PTPN4: variants seen among roughly 807,000 people sequenced by gnomAD.
The protein encoded by PTPN4 is protein tyrosine phosphatase non-receptor type 4, also known as tyrosine-protein phosphatase non-receptor type 4.
PTPN4 carries 49 observed loss-of-function variants against 135.5 expected under a neutral mutation model. That is an observed-to-expected ratio of 0.36 (90% CI 0.29 to 0.46). The LOEUF (loss-of-function observed/expected upper bound fraction) is 0.46, where lower values mean the gene tolerates loss of function less well. PTPN4 is among the 20% of genes least tolerant of loss of function. PTPN4 has a pLI of 1.00. For synonymous variants in PTPN4, 333 were observed against 369.9 expected (o/e 0.90, Z 1.14); for missense variants, 860 against 1,101.0 (o/e 0.78, Z 3.10).
intron 1 of PTPN4, among the ~76,000 whole-genome samples, chr2:119,793,338 C>T (rs369628772): frequency 3.3e-5 from 5 of 152,170 alleles, no homozygotes; most frequent in African/African-American, 9.7e-5. Flanking sequence ...CTGTCCTGCC[C>T]GGCTCCCAGG....
intron 1 of PTPN4, among the ~76,000 whole-genome samples, chr2:119,775,221 C>T (rs1031691709): frequency 6.6e-5 from 10 of 151,668 alleles, no homozygotes; most frequent in East Asian, 1.9e-4. Context: ...AAATGCAGTC[C>T]GGTTTATGAT....
intron 3 of PTPN4, among the ~76,000 whole-genome samples, chr2:119,871,576 G>A (rs571786385): frequency 5.3e-5 from 8 of 152,120 alleles, no homozygotes; most frequent in Non-Finnish European, 1.2e-4. Context: ...TTGTATGCAG[G>A]TGTACCACAG....
At chr2:119,787,509 A>G (rs1691067029) in intron 1 of PTPN4, among the ~76,000 whole-genome samples, 1 of 152,356 alleles carries the variant, frequency 6.6e-6, no homozygotes, top group Admixed American at 6.5e-5. Flanking sequence ...TAATACTTCA[A>G]AGATTCCAAA....
chr2:119,861,119 G>A (rs1013069602), intron 2 of PTPN4, among the ~76,000 whole-genome samples: 5 of 152,088 alleles, frequency 3.3e-5, no homozygotes, highest in South Asian at 4.2e-4. Flanking sequence ...TGTTCTGAGG[G>A]TTGCGTGCTG....
chr2:119,785,104 G>A lies in PTPN4; in HGVS notation c.-18+24720G>A, dbSNP rs1316362225. 5.9e-5 allele frequency among the ~76,000 whole-genome samples: 9 copies of A among 152,220 alleles called. No homozygotes were observed. The South Asian group carries it at 8.3e-4, about 14-fold the overall frequency. On this transcript the variant is annotated intron_variant, in intron 1 of 26. Coordinates refer to ENST00000263708, the MANE Select transcript of PTPN4 (RefSeq NM_002830.4). ...TGTGCAATCCGTGATGTCTAATGGC[G>A]TCCCTGGCGTCTCTGCACTGGAGCC...
chr2:119,766,456 G>C (rs1419813521), intron 1 of PTPN4, among the ~76,000 whole-genome samples: 1 of 110,116 alleles, frequency 9.1e-6, no homozygotes, highest in Non-Finnish European at 2.0e-5. Flanking sequence ...GCGCGTGTGT[G>C]TGTGTGTGTG....
Position 119,875,840 on chromosome 2 carries a change from G to A in PTPN4, c.247-1483G>A, listed in dbSNP as rs955290750. ...ATCCCTGGTTTCATTATAATCTAAT[G>A]AAGGAGTCAGACAAAAAAAGACAAA... On this transcript the variant is annotated intron_variant, in intron 3 of 26. Transcript: ENST00000263708. Among the ~76,000 whole-genome samples the A allele has an allele frequency of 8.5e-5, 13 of 152,210 alleles. No individual in the cohort carries two copies. The East Asian group carries it at 9.6e-4, about 11-fold the overall frequency.
At chr2:119,825,928 G>A (rs1283014305) in intron 2 of PTPN4, among the ~76,000 whole-genome samples, 1 of 152,088 alleles carries the variant, frequency 6.6e-6, no homozygotes, top group Non-Finnish European at 1.5e-5. Context: ...AAAAGTTATG[G>A]CCATGAAAGA....
At chr2:119,809,486 C>T (rs1375869690) in intron 1 of PTPN4, among the ~76,000 whole-genome samples, 6 of 151,868 alleles carry the variant, frequency 4.0e-5, no homozygotes, top group Admixed American at 3.3e-4. Flanking sequence ...AAAATACTTG[C>T]ATCAATGAGT....
intron 25 of PTPN4, among the ~76,000 whole-genome samples, chr2:119,966,802 T>C (rs1372723440): frequency 2.0e-5 from 3 of 152,216 alleles, no homozygotes; most frequent in African/African-American, 7.2e-5. Context: ...CTTTCTTTCT[T>C]TGAGACCCAA....
chr2:119,962,899 TAA>T (rs554379333), intron 24 of PTPN4, among the ~76,000 whole-genome samples, 155 bp downstream of exon 24: 70 of 152,324 alleles, frequency 4.6e-4, no homozygotes, highest in Non-Finnish European at 7.9e-4. Context: ...GGAATTTTAT[TAA>T]GAGTATTATC....
At chr2:119,792,298 T>C (rs1316443065) in intron 1 of PTPN4, among the ~76,000 whole-genome samples, 1 of 152,210 alleles carries the variant, frequency 6.6e-6, no homozygotes, top group East Asian at 1.9e-4. Flanking sequence ...CATTTTGTGT[T>C]TTAGCTTAGT....
chr2:119,977,362 T>G lies in PTPN4; in HGVS notation c.*292T>G, dbSNP rs1679633424. On this transcript the variant is annotated 3_prime_UTR_variant, in exon 27 of 27. Transcript: ENST00000263708. ...TGTGGTGGTGCCATGCAATCCCCTT[T>G]TGGTAGAATTGCCACAAACAAGGCT... is the stretch of plus-strand genomic sequence containing the variant. 4.0e-6 allele frequency: 1 copy of G among 252,450 alleles called. No individual in the cohort carries two copies. The highest frequency in any genetic ancestry group is 6.9e-6 in the Non-Finnish European group (1 of 144,380). The allele number at this position is 252,450 out of a possible 1,614,324, so 15.6% of individuals were successfully genotyped here. A position where few individuals can be genotyped will look rare whatever the true frequency, so the allele number is the denominator to read the frequency against.
chr2:119,796,297 A>G (rs983707947), intron 1 of PTPN4, among the ~76,000 whole-genome samples: 1 of 152,196 alleles, frequency 6.6e-6, no homozygotes, highest in African/African-American at 2.4e-5. Context: ...AAAATAATGA[A>G]CATATCTATT....
chr2:119,909,790 C>G (rs147231655), intron 10 of PTPN4, among the ~76,000 whole-genome samples: 68 of 152,092 alleles, frequency 4.5e-4, no homozygotes, highest in African/African-American at 1.5e-3. Context: ...AAATTGATTC[C>G]AACCCTCATA....
At chr2:119,795,585 G>A (rs1019264357) in intron 1 of PTPN4, among the ~76,000 whole-genome samples, 1 of 152,258 alleles carries the variant, frequency 6.6e-6, no homozygotes, top group African/African-American at 2.4e-5. Context: ...GTCGGAGCTG[G>A]CGTTGACAAC....
At chr2:119,907,514 G>A (rs72838980) in intron 10 of PTPN4, among the ~76,000 whole-genome samples, 3,659 of 152,206 alleles carry the variant, frequency 0.024, 66 homozygotes, top group Non-Finnish European at 0.033. Context: ...TGAGGTGGGA[G>A]GATCACTTGA....
intron 11 of PTPN4, among the ~76,000 whole-genome samples, chr2:119,919,114 A>G (rs1221377896): frequency 6.6e-6 from 1 of 152,194 alleles, no homozygotes; most frequent in Non-Finnish European, 1.5e-5. Context: ...TGGTGGTAGT[A>G]ATGATCCATT....
intron 1 of PTPN4, among the ~76,000 whole-genome samples, chr2:119,808,602 T>C (rs1363161344): frequency 6.6e-6 from 1 of 152,150 alleles, no homozygotes; most frequent in Non-Finnish European, 1.5e-5. Context: ...AACATTCTTT[T>C]TTGTAGAAAC....
Sources: allele counts gnomAD v4.1 joint callset (sites outside exome capture counted in the v4.1 genomes callset), GRCh38; gene constraint gnomAD v4.1.1; transcripts MANE v1.5; gene names NCBI Gene and HGNC (gene_info 2026-07-23, HGNC 2026-07-21).